EIF4G3: variants seen among roughly 807,000 people sequenced by gnomAD.
EIF4G3 encodes eIF-4-gamma 3.
A neutral mutation model predicts 186.4 loss-of-function variants in EIF4G3; 34 were observed. The ratio of observed to expected loss-of-function variants is 0.18; its 90% CI spans 0.14 to 0.24. The LOEUF is 0.24. EIF4G3 is among the 10% of genes least tolerant of loss of function. The pLI, the probability that EIF4G3 is intolerant of heterozygous loss-of-function variation, is 1.00. For missense variants in EIF4G3, 1,536 were observed against 1,948.5 expected, an observed-to-expected ratio of 0.79 and a Z score of 3.99; for synonymous variants, 673 against 679.5, an observed-to-expected ratio of 0.99 and a Z score of 0.15.
intron 12 of EIF4G3, among the ~76,000 whole-genome samples, chr1:20,962,709 T>A (rs1390954073): frequency 1.3e-5 from 2 of 152,166 alleles, no homozygotes; most frequent in Non-Finnish European, 2.9e-5. Flanking sequence ...AAATTACTTT[T>A]TACTATGAGG....
intron 7 of EIF4G3, among the ~76,000 whole-genome samples, chr1:20,984,995 G>C (rs2079132976): frequency 6.6e-6 from 1 of 152,120 alleles, no homozygotes; most frequent in African/African-American, 2.4e-5. Context: ...TAAATAACTT[G>C]CTGGAAGCCT....
At chr1:20,899,244 A>G (rs1454394142) in intron 16 of EIF4G3, among the ~76,000 whole-genome samples, 1 of 152,220 alleles carries the variant, frequency 6.6e-6, no homozygotes, top group Non-Finnish European at 1.5e-5. Flanking sequence ...CATATTTACC[A>G]CAGGGAACTT....
At chr1:21,004,851 G>A (rs2084592141) in intron 4 of EIF4G3, among the ~76,000 whole-genome samples, 1 of 151,766 alleles carries the variant, frequency 6.6e-6, no homozygotes, top group African/African-American at 2.4e-5. Flanking sequence ...AGACACAGAG[G>A]CTATCCGGCA....
chr1:20,916,057 CA>C (rs1191213530), intron 14 of EIF4G3, among the ~76,000 whole-genome samples: 1 of 151,954 alleles, frequency 6.6e-6, no homozygotes, highest in African/African-American at 2.4e-5. Context: ...ATTGTATTTC[CA>C]TATACTAGTA....
intron 30 of EIF4G3, among the ~76,000 whole-genome samples, chr1:20,840,083 G>T (rs1342086378): frequency 6.6e-6 from 1 of 152,134 alleles, no homozygotes; most frequent in Non-Finnish European, 1.5e-5. Flanking sequence ...AGTGCTGGGT[G>T]TGACTCTGTG....
At chr1:21,078,090 A>G (rs1384662144) in intron 3 of EIF4G3, among the ~76,000 whole-genome samples, 21 of 152,198 alleles carry the variant, frequency 1.4e-4, no homozygotes, top group Non-Finnish European at 1.5e-5. Flanking sequence ...CATTAAAATT[A>G]TAAGTGAATT....
At chr1:20,864,380 C>G in intron 22 of EIF4G3, 96 bp downstream of exon 22, 2 of 920,156 alleles carry the variant, frequency 2.2e-6, no homozygotes, top group Non-Finnish European at 1.7e-6. Flanking sequence ...CAGCCCAGAC[C>G]TTTGGGAAAA....
intron 14 of EIF4G3, among the ~76,000 whole-genome samples, chr1:20,928,014 T>C (rs1434472484): frequency 3.9e-5 from 6 of 152,028 alleles, no homozygotes; most frequent in Admixed American, 6.6e-5. Context: ...CACACCACCA[T>C]GCTTGGCTAA....
chr1:20,829,477 C>T (rs983544349), intron 30 of EIF4G3, among the ~76,000 whole-genome samples: 8 of 152,046 alleles, frequency 5.3e-5, no homozygotes, highest in South Asian at 2.1e-4. Flanking sequence ...CAGACAAAAG[C>T]ATACTTGCAA....
chr1:20,853,473 A>AT, intron 27 of EIF4G3, 87 bp downstream of exon 27: 1 of 776,272 alleles, frequency 1.3e-6, no homozygotes, highest in Non-Finnish European at 2.2e-6. Flanking sequence ...ATCCATAAGG[A>AT]TTGCTATCAA....
chr1:20,877,807 T>C (rs1173248810), intron 20 of EIF4G3, among the ~76,000 whole-genome samples: 2 of 152,186 alleles, frequency 1.3e-5, no homozygotes, highest in Admixed American at 6.5e-5. Flanking sequence ...GTCATAAAGT[T>C]AGGAAGTGGC....
At chr1:21,048,700 A>G (rs2094033421) in intron 4 of EIF4G3, among the ~76,000 whole-genome samples, 1 of 152,118 alleles carries the variant, frequency 6.6e-6, no homozygotes, top group Non-Finnish European at 1.5e-5. Context: ...TCGGCACCCT[A>G]GAGGGCAGAA....
At chr1:21,030,408 C>A (rs2092632164) in intron 4 of EIF4G3, among the ~76,000 whole-genome samples, 1 of 152,182 alleles carries the variant, frequency 6.6e-6, no homozygotes, top group Non-Finnish European at 1.5e-5. Context: ...TTGCCCTACA[C>A]AAGCTCCCTT....
intron 2 of EIF4G3, among the ~76,000 whole-genome samples, chr1:21,093,288 A>C (rs1323521238): frequency 6.6e-6 from 1 of 152,220 alleles, no homozygotes; most frequent in East Asian, 1.9e-4. Context: ...AAAGTGGGCA[A>C]AGGATATGAA....
intron 2 of EIF4G3, among the ~76,000 whole-genome samples, chr1:21,172,770 G>C (rs1433617802): frequency 1.4e-5 from 2 of 147,634 alleles, no homozygotes; most frequent in African/African-American, 2.6e-5. Flanking sequence ...GGATGGTCTC[G>C]ATCTCCTGAT....
intron 12 of EIF4G3, among the ~76,000 whole-genome samples, chr1:20,953,531 TA>T (rs919843807): frequency 6.6e-6 from 1 of 152,222 alleles, no homozygotes; most frequent in Non-Finnish European, 1.5e-5. Context: ...TTTAAAAACA[TA>T]ATGTTTACCT....
intron 18 of EIF4G3, among the ~76,000 whole-genome samples, chr1:20,888,663 C>T (rs1305096342): frequency 6.6e-6 from 1 of 152,052 alleles, no homozygotes; most frequent in Non-Finnish European, 1.5e-5. Flanking sequence ...CTCATATATA[C>T]AATGCCAGCC....
At chr1:20,908,349 T>A (rs2092623089) in intron 14 of EIF4G3, among the ~76,000 whole-genome samples, 1 of 152,214 alleles carries the variant, frequency 6.6e-6, no homozygotes, top group Non-Finnish European at 1.5e-5. Flanking sequence ...GAACAAAATG[T>A]TTTTCTTCAG....
chr1:21,063,557 A>G (rs1458170678), intron 3 of EIF4G3, among the ~76,000 whole-genome samples: 4 of 152,196 alleles, frequency 2.6e-5, no homozygotes, highest in Non-Finnish European at 4.4e-5. Context: ...AATTTTAAGT[A>G]AAGAAAGCAG....
Sources: gnomAD v4.1 joint callset for allele counts (sites outside exome capture counted in the v4.1 genomes callset) on GRCh38, gnomAD v4.1.1 for gene constraint, MANE v1.5 for transcripts, NCBI Gene and HGNC (gene_info 2026-07-23, HGNC 2026-07-21) for gene names.